The following ACY1 variants were observed in gnomAD, a reference collection of about 807,000 sequenced individuals.
ACY1 encodes aminoacylase-1.
In ACY1, 38 loss-of-function variants were observed where a neutral mutation model predicts 53.3. That is an observed-to-expected ratio of 0.71 (90% CI 0.55 to 0.93). The LOEUF (loss-of-function observed/expected upper bound fraction) is 0.93, where lower values mean the gene tolerates loss of function less well. Among genes scored for constraint, ACY1 ranks in the 40% least tolerant of loss-of-function variants. ACY1 has a pLI of 0.00. For missense variants in ACY1, 484 were observed against 540.9 expected, an observed-to-expected ratio of 0.89 and a Z score of 1.04; for synonymous variants, 177 against 202.1, an observed-to-expected ratio of 0.88 and a Z score of 1.05.
Position 51,988,833 on chromosome 3 carries a change from C to A in ACY1, c.1062+7C>A. 3.7e-6 allele frequency: 6 copies of A among 1,614,196 alleles called. No individual in the cohort carries two copies. The highest frequency in any genetic ancestry group is 5.1e-6 in the Non-Finnish European group (6 of 1,180,042). On this transcript the variant is annotated splice_region_variant and intron_variant, in intron 14 of 14. Coordinates refer to ENST00000636358, the MANE Select transcript of ACY1 (RefSeq NM_000666.3). ...CAACCGCTATATCCGCGCGGTGAGC[C>A]ACTTGCATATAGTGCCTGGGCAGTG...
At chr3:51,985,660 G>C (rs1250153052) in intron 4 of ACY1, among the ~76,000 whole-genome samples, 192 bp from the exon 5 acceptor site, 3 of 152,118 alleles carry the variant, frequency 2.0e-5, no homozygotes, top group Non-Finnish European at 4.4e-5. Flanking sequence ...GTGGGGACTG[G>C]GGGGTGGGAA....
intron 4 of ACY1, 132 bp downstream of exon 4, chr3:51,985,597 A>G (rs1057131313): frequency 4.6e-6 from 4 of 876,170 alleles, no homozygotes; most frequent in African/African-American, 1.7e-5. Flanking sequence ...TCCTTATGAC[A>G]TTACACCACT....
chr3:51,988,875 T>A, intron 14 of ACY1, 36 bp from the exon 15 acceptor site: 3 of 1,614,236 alleles, frequency 1.9e-6, no homozygotes, highest in Non-Finnish European at 2.5e-6. Flanking sequence ...GCCTGAGTGC[T>A]GGCTTTTCCC....
In ACY1 at chr3:51,985,377, T is replaced by G; in HGVS notation, c.176T>G (p.Val59Gly). Residue 59 changes from valine (V) to glycine (G), a missense_variant, in exon 4 of 15, where the codon GTG (valine) becomes GGG (glycine). Coordinates refer to ENST00000636358, the MANE Select transcript of ACY1 (RefSeq NM_000666.3). The part of the protein sequence containing the change: ...CQKVEVAPGY[V>G]VTVLTWPGTN... ...CATCTCCAGGTGGCACCTGGCTATG[T>G]GGTGACCGTGTTGACCTGGCCAGGC... 1 of 1,614,134 alleles carries G rather than the reference T, an allele frequency of 6.2e-7. No homozygotes were observed. The highest frequency in any genetic ancestry group is 1.1e-5 in the South Asian group (1 of 91,082).
chr3:51,988,640 C>G (rs757057169), intron 13 of ACY1, 37 bp downstream of exon 13: 3 of 1,603,108 alleles, frequency 1.9e-6, no homozygotes, highest in Non-Finnish European at 8.5e-7. Context: ...CAGCCCAGCC[C>G]CCTACTCCTC....
chr3:51,988,878 C>G, intron 14 of ACY1, 33 bp from the exon 15 acceptor site: 1 of 1,614,236 alleles, frequency 6.2e-7, no homozygotes, highest in South Asian at 1.1e-5. Context: ...TGAGTGCTGG[C>G]TTTTCCCTAA....
rs1171972925 is a variant in ACY1, at chr3:51,987,184, A to C, written c.695A>C (p.Lys232Thr). Residue 232 changes from lysine to threonine, a missense_variant, in exon 10 of 15, where the codon AAG (lysine) becomes ACG (threonine). Coordinates refer to ENST00000636358, the MANE Select transcript of ACY1 (RefSeq NM_000666.3). ...VVNSILAFRE[K>T]EWQRLQSNPH... is the part of the protein sequence containing the mutation. The stretch of plus-strand genomic sequence containing the variant: ...AACTCCATCCTGGCATTCCGGGAGA[A>C]GGAATGGCAGAGGTGAGGCAGCCTG... 6.2e-7 allele frequency: 1 copy of C among 1,614,178 alleles called. No individual in the cohort carries two copies. The highest frequency in any genetic ancestry group is 8.5e-7 in the Non-Finnish European group (1 of 1,180,014).
chr3:51,984,500 C>T (rs571836126), intron 2 of ACY1: 1 of 420,556 alleles, frequency 2.4e-6, no homozygotes, highest in African/African-American at 2.0e-5. Flanking sequence ...TGGACAAAGG[C>T]CACAGCCCTT....
At position 51,985,865 on chromosome 3, in the gene ACY1, A is replaced by G. The variant is rs751422386; in HGVS notation, c.278A>G (p.His93Arg). ...VVPVFKEHWSHDPFEAFKDSE... is the reference protein window; with the variant it reads ...VVPVFKEHWSRDPFEAFKDSE... ...CCCTGCCCCCAGGAACATTGGAGTC[A>G]CGACCCCTTTGAGGCCTTCAAGGAT... is the stretch of plus-strand genomic sequence containing the variant. Residue 93 changes from histidine (H) to arginine (R), a missense_variant, in exon 5 of 15, where the codon CAC becomes CGC. Physicochemically the swap from His to Arg is conservative, Grantham distance 29 (BLOSUM62 0). Coordinates refer to ENST00000636358, the MANE Select transcript of ACY1 (RefSeq NM_000666.3). 1.9e-6 allele frequency: 3 copies of G among 1,613,644 alleles called. No homozygotes were observed. Among genetic ancestry groups the G allele is most frequent in the Non-Finnish European group, 2.5e-6 (3 of 1,179,824 alleles).
intron 1 of ACY1, 88 bp downstream of exon 1, chr3:51,983,677 TTTTTTG>T (rs1026890524): frequency 2.9e-5 from 8 of 278,412 alleles, no homozygotes; most frequent in African/African-American, 6.8e-5. Flanking sequence ...TTCTTGTTTG[TTTTTTG>T]TTTTTGTTTT....
chr3:51,988,222 C>T, intron 12 of ACY1: 2 of 502,166 alleles, frequency 4.0e-6, no homozygotes, highest in Non-Finnish European at 7.3e-6. Context: ...ACTCTGAAAA[C>T]CTGTAACTGG....
intron 2 of ACY1, chr3:51,984,829 A>AG: frequency 3.5e-6 from 1 of 285,912 alleles, no homozygotes; most frequent in Non-Finnish European, 6.7e-6. Flanking sequence ...AAAAAAAAAA[A>AG]AAAAGGAAAA....
chr3:51,986,321 C>T lies in ACY1; in HGVS notation c.426C>T (p.Thr142=). The change falls in exon 6 of 15, where the codon ACC becomes ACT. Residue 142 remains threonine, a synonymous_variant. Transcript: ENST00000636358. ...GHRFPRTIHM[T]FVPDEEVGGH... ...GGTTCCCCAGAACCATCCACATGACCTTTGTGCCTGGTAGGAGTGGCTCAG... is the reference window on the plus strand; with the variant it reads ...GGTTCCCCAGAACCATCCACATGACTTTTGTGCCTGGTAGGAGTGGCTCAG... 7 of 1,374,276 alleles carry T rather than the reference C, an allele frequency of 5.1e-6. No individual in the cohort carries two copies. Among genetic ancestry groups the T allele is most frequent in the Non-Finnish European group, 6.8e-6 (7 of 1,035,320 alleles). The allele number at this position is 1,374,276 out of a possible 1,614,324, so 85.1% of individuals were successfully genotyped here. A position where few individuals can be genotyped will look rare whatever the true frequency, so the allele number is the denominator to read the frequency against.
chr3:51,984,861 C>G (rs191052760), intron 2 of ACY1: 2 of 274,916 alleles, frequency 7.3e-6, no homozygotes, highest in Admixed American at 4.9e-5. Flanking sequence ...AACTTAGTGG[C>G]TGGGAATTGT....
chr3:51,984,137 G>A lies in ACY1; in HGVS notation c.73G>A (p.Val25Ile). The A allele has an allele frequency of 6.2e-7, 1 of 1,613,960 alleles. No individual in the cohort carries two copies. Among genetic ancestry groups the A allele is most frequent in the Non-Finnish European group, 8.5e-7 (1 of 1,180,020 alleles). ...CCGCCAGTACCTGCGTATCCGCACT[G>A]TCCAGCCCAAGCCTGACTATGGTGA... is the stretch of plus-strand genomic sequence containing the variant. ...LFRQYLRIRT[V>I]QPKPDYGAAV... The change falls in exon 2 of 15, where the codon GTC becomes ATC. Residue 25 changes from valine to isoleucine, a missense_variant. Val to Ile is a conservative substitution (Grantham distance 29). Transcript: ENST00000636358.
At chr3:51,988,420 TG>T in intron 12 of ACY1, 103 bp from the exon 13 acceptor site, 1 of 984,030 alleles carries the variant, frequency 1.0e-6, no homozygotes, top group Non-Finnish European at 1.6e-6. Flanking sequence ...GGTGAAGGAG[TG>T]GGGGTGGGGA....
At chr3:51,987,878 T>C in intron 12 of ACY1, 1 of 487,180 alleles carries the variant, frequency 2.1e-6, no homozygotes, top group Non-Finnish European at 3.7e-6. Context: ...ATTTATGTGA[T>C]ATTACTTTTT....
rs763565613 is a variant in ACY1 at position 51,987,021 on chromosome 3, A to G, written c.617A>G (p.His206Arg). The G allele has an allele frequency of 5.0e-6, 8 of 1,613,240 alleles. No homozygotes were observed. The highest frequency in any genetic ancestry group is 5.9e-6 in the Non-Finnish European group (7 of 1,180,002). The change falls in exon 9 of 15, where the codon CAT becomes CGT. Residue 206 changes from histidine (H) to arginine (R), a missense_variant. Coordinates refer to ENST00000636358, the MANE Select transcript of ACY1 (RefSeq NM_000666.3). ...GTTACCAGCACTGGGAGGCCAGGCCATGCCTCACGCTTCATGGAGGACACA... is the reference window on the plus strand; with the variant it reads ...GTTACCAGCACTGGGAGGCCAGGCCGTGCCTCACGCTTCATGGAGGACACA... The part of the protein sequence containing the change: ...VRVTSTGRPG[H>R]ASRFMEDTAA...
intron 8 of ACY1, 40 bp from the exon 9 acceptor site, chr3:51,986,948 C>T: frequency 1.2e-6 from 2 of 1,600,350 alleles, no homozygotes; most frequent in Non-Finnish European, 1.7e-6. Flanking sequence ...TCTCCAGCCC[C>T]TCAGGCTGAA....
Sources: allele counts gnomAD v4.1 joint callset (sites outside exome capture counted in the v4.1 genomes callset), GRCh38; gene constraint gnomAD v4.1.1; transcripts MANE v1.5; gene names NCBI Gene and HGNC (gene_info 2026-07-23, HGNC 2026-07-21).